PDE1A: variants seen among roughly 807,000 people sequenced by gnomAD.
PDE1A encodes phosphodiesterase 1A.
A neutral mutation model predicts 61.7 loss-of-function variants in PDE1A; 35 were observed. The observed-to-expected ratio is 0.57, with a 90% CI of 0.43 to 0.75. PDE1A has a LOEUF of 0.75. Ranked by LOEUF, PDE1A falls within the 30% of genes least tolerant of loss-of-function variation. PDE1A has a pLI of 0.00. For synonymous variants in PDE1A, 232 were observed against 213.2 expected (o/e 1.09, Z -0.77); for missense variants, 597 against 630.6 (o/e 0.95, Z 0.57).
the PDE1A span, among the ~76,000 whole-genome samples, chr2:182,598,387 C>T: frequency 6.6e-6 from 1 of 152,196 alleles, no homozygotes; most frequent in African/African-American, 2.4e-5. Context: ...GCCTGGCCAA[C>T]ATGGGGAAAC....
intron 11 of PDE1A, among the ~76,000 whole-genome samples, chr2:182,187,147 GT>G: frequency 6.6e-6 from 1 of 152,338 alleles, no homozygotes; most frequent in East Asian, 1.9e-4. Flanking sequence ...TTCTCTGGAT[GT>G]AAAGTGTTAG....
At chr2:182,187,580 T>G (rs1481300367) in intron 11 of PDE1A, among the ~76,000 whole-genome samples, 1 of 152,158 alleles carries the variant, frequency 6.6e-6, no homozygotes, top group Non-Finnish European at 1.5e-5. Context: ...TGGATAAAAG[T>G]AATTCACATT....
chr2:182,155,033 T>C (rs1236338351), intron 13 of PDE1A, among the ~76,000 whole-genome samples: 1 of 151,984 alleles, frequency 6.6e-6, no homozygotes, highest in South Asian at 2.1e-4. Context: ...TTCTCTTTTT[T>C]TTTTAATGGG....
At chr2:182,603,206 T>G in the PDE1A span, among the ~76,000 whole-genome samples, 1 of 151,816 alleles carries the variant, frequency 6.6e-6, no homozygotes, top group Non-Finnish European at 1.5e-5. Flanking sequence ...TTCTCTCACC[T>G]TTCCTGTCTG....
At chr2:182,377,385 C>T (rs1181349393) in intron 1 of PDE1A, among the ~76,000 whole-genome samples, 9 of 152,182 alleles carry the variant, frequency 5.9e-5, no homozygotes, top group Admixed American at 5.2e-4. Flanking sequence ...GATTCAGATT[C>T]CTGAGGCCTC....
intron 2 of PDE1A, among the ~76,000 whole-genome samples, chr2:182,484,583 A>C (rs1687901332): frequency 6.6e-6 from 1 of 152,090 alleles, no homozygotes; most frequent in Admixed American, 6.6e-5. Flanking sequence ...GACAACCTAG[A>C]AAATGGAAGA....
At chr2:182,699,204 T>A in the PDE1A span, among the ~76,000 whole-genome samples, 1 of 152,192 alleles carries the variant, frequency 6.6e-6, no homozygotes, top group Admixed American at 6.5e-5. Flanking sequence ...TTCATCAAAG[T>A]AACTAATGCT....
intron 1 of PDE1A, among the ~76,000 whole-genome samples, chr2:182,377,939 A>G (rs1335092717): frequency 6.6e-6 from 1 of 151,296 alleles, no homozygotes; most frequent in Non-Finnish European, 1.5e-5. Flanking sequence ...TCCTCCCCGC[A>G]GGGTTCATGC....
intron 1 of PDE1A, among the ~76,000 whole-genome samples, chr2:182,389,528 T>C (rs1701301872): frequency 1.3e-5 from 2 of 151,910 alleles, no homozygotes; most frequent in Non-Finnish European, 2.9e-5. Context: ...GAAATGCAAA[T>C]TAAAACCAAA....
At chr2:182,419,970 G>C (rs1703171053) in intron 1 of PDE1A, among the ~76,000 whole-genome samples, 1 of 151,386 alleles carries the variant, frequency 6.6e-6, no homozygotes, top group South Asian at 2.1e-4. Context: ...AGTTTCGTAG[G>C]GGAGCTGATA....
At chr2:182,381,578 C>A (rs1048548791) in intron 1 of PDE1A, among the ~76,000 whole-genome samples, 8 of 152,080 alleles carry the variant, frequency 5.3e-5, no homozygotes, top group Non-Finnish European at 1.2e-4. Flanking sequence ...CTTTGGGAGG[C>A]GGAGGCGAGC....
intron 2 of PDE1A, among the ~76,000 whole-genome samples, chr2:182,442,722 T>A (rs1264848325): frequency 1.3e-5 from 2 of 152,082 alleles, no homozygotes; most frequent in African/African-American, 4.8e-5. Context: ...TTACACTAAA[T>A]TTGAAAATTT....
intron 13 of PDE1A, among the ~76,000 whole-genome samples, chr2:182,177,417 GA>G (rs1456502579): frequency 6.6e-6 from 1 of 151,862 alleles, no homozygotes; most frequent in Non-Finnish European, 1.5e-5. Flanking sequence ...AGTCTTGGGA[GA>G]GTGTATGTGT....
the PDE1A span, among the ~76,000 whole-genome samples, chr2:182,628,407 C>T: frequency 6.6e-6 from 1 of 152,128 alleles, no homozygotes; most frequent in African/African-American, 2.4e-5. Flanking sequence ...CTAAGCAAGC[C>T]TAGTTTAACT....
the PDE1A span, among the ~76,000 whole-genome samples, chr2:182,661,871 C>T: frequency 0.69 from 104,445 of 151,902 alleles, 36,268 homozygotes; most frequent in Middle Eastern, 0.76. Flanking sequence ...TAAGACTTTA[C>T]GGAATTACAT....
chr2:182,577,992 G>GGAAGGAAGGGAC, the PDE1A span, among the ~76,000 whole-genome samples: 1 of 148,222 alleles, frequency 6.7e-6, no homozygotes, highest in African/African-American at 2.5e-5. Context: ...AAGGAAGGAA[G>GGAAGGAAGGGAC]GGACGGAGGG....
intron 1 of PDE1A, among the ~76,000 whole-genome samples, chr2:182,309,084 T>A (rs1211894014): frequency 6.6e-6 from 1 of 151,908 alleles, no homozygotes. Context: ...GTTTGCAAAT[T>A]AACCTAAGAA....
chr2:182,328,384 T>C (rs552738031), intron 1 of PDE1A, among the ~76,000 whole-genome samples: 6 of 152,188 alleles, frequency 3.9e-5, no homozygotes, highest in South Asian at 4.1e-4. Context: ...AAGAATAACA[T>C]AGAAAGAAAT....
intron 1 of PDE1A, among the ~76,000 whole-genome samples, chr2:182,286,170 G>T (rs1372879229): frequency 1.3e-5 from 2 of 152,004 alleles, no homozygotes; most frequent in Non-Finnish European, 2.9e-5. Flanking sequence ...GCTCTGGGAG[G>T]GCACTTCGAG....
Sources: gnomAD v4.1 joint callset for allele counts (sites outside exome capture counted in the v4.1 genomes callset) on GRCh38, gnomAD v4.1.1 for gene constraint, MANE v1.5 for transcripts, NCBI Gene and HGNC (gene_info 2026-07-23, HGNC 2026-07-21) for gene names.